TBC1D2B: variants seen among roughly 807,000 people sequenced by gnomAD.
The protein encoded by TBC1D2B is TBC1 domain family member 2B.
TBC1D2B carries 64 observed loss-of-function variants against 100.8 expected under a neutral mutation model. The observed-to-expected ratio is 0.64, with a 90% confidence interval of 0.52 to 0.78. The LOEUF (loss-of-function observed/expected upper bound fraction) is 0.78. Among genes scored for constraint, TBC1D2B ranks in the 30% least tolerant of loss-of-function variants. The pLI is 0.00. For missense variants in TBC1D2B, 1,052 were observed against 1,218.4 expected (o/e 0.86, Z 2.03); for synonymous variants, 480 against 479.7 (o/e 1.00, Z -0.01).
chr15:78,047,455 T>C (rs192230419), intron 2 of TBC1D2B, among the ~76,000 whole-genome samples: 129 of 152,230 alleles, frequency 8.5e-4, no homozygotes, highest in African/African-American at 2.9e-3. Context: ...CATTGAGTCG[T>C]TGGGATCCAG....
chr15:78,013,750 T>C (rs375703464), intron 8 of TBC1D2B, among the ~76,000 whole-genome samples: 3 of 152,322 alleles, frequency 2.0e-5, no homozygotes, highest in African/African-American at 7.2e-5. Flanking sequence ...AAAGAATGTA[T>C]TTATAAGCTA....
chr15:78,028,396 G>A lies in TBC1D2B; in HGVS notation c.847+1611C>T, dbSNP rs190647764. Reference sequence around the variant, plus strand: ...AGGCTGAGGCAGAATCGCTTAACCCGGAAGGCGGAGGTTGCAATGAGCCGA... The same window carrying A: ...AGGCTGAGGCAGAATCGCTTAACCCAGAAGGCGGAGGTTGCAATGAGCCGA... On this transcript the variant is annotated intron_variant, in intron 4 of 12. Transcript: ENST00000300584. Among the ~76,000 whole-genome samples, 31 of 152,322 alleles carry A rather than the reference G, an allele frequency of 2.0e-4. No homozygotes were observed. The East Asian group carries it at 5.2e-3, about 26-fold the overall frequency.
chr15:78,033,268 G>A (rs937445500), intron 3 of TBC1D2B, among the ~76,000 whole-genome samples: 2 of 152,064 alleles, frequency 1.3e-5, no homozygotes, highest in Non-Finnish European at 2.9e-5. Context: ...TTACTTATAC[G>A]CACACACATA....
At chr15:78,006,301 CA>C (rs2072065188) in intron 10 of TBC1D2B, among the ~76,000 whole-genome samples, 1 of 152,224 alleles carries the variant, frequency 6.6e-6, no homozygotes, top group Non-Finnish European at 1.5e-5. Flanking sequence ...CATGAACACA[CA>C]AAACTTTCTT....
At position 78,017,964 on chromosome 15, in the gene TBC1D2B, G is replaced by GA. The variant is rs35403054; in HGVS notation, c.1471-8dup. The GA allele has an allele frequency of 0.031, 34,394 of 1,126,666 alleles. 5 individuals carry two copies. Among genetic ancestry groups the GA allele is most frequent in the South Asian group, 0.065 (3,670 of 56,364 alleles). The allele number at this position is 1,126,666 out of a possible 1,614,324, so 69.8% of individuals were successfully genotyped here. A position where few individuals can be genotyped will look rare whatever the true frequency, so the allele number is the denominator to read the frequency against. On this transcript the variant is annotated splice_region_variant and splice_polypyrimidine_tract_variant and intron_variant, in intron 6 of 12. Transcript: ENST00000300584. ...TGTACCCCTGTAGATTATCCTGTTA[G>GA]AAAAAAAAAAAATCCCTGAATTCAC...
In TBC1D2B at chr15:78,040,618, A is replaced by AG. The variant is rs1555420786; in HGVS notation, c.683+4281_683+4282insC. On this transcript the variant is annotated intron_variant, in intron 3 of 12. Coordinates refer to ENST00000300584, the MANE Select transcript of TBC1D2B (RefSeq NM_144572.2). The stretch of plus-strand genomic sequence containing the variant: ...AAAGAGAGAAAGTGAGAGAGAAAGA[A>AG]AGAGAGAGAGAAAGAAAAAGAAAGA... 6.4e-4 allele frequency among the ~76,000 whole-genome samples: 85 copies of AG among 132,572 alleles called. 1 individual carries two copies. The highest frequency in any genetic ancestry group is 1.7e-3 in the East Asian group (8 of 4,700). 87.0% of individuals were successfully genotyped at this position (132,572 alleles called of 152,430 possible). A position where few individuals can be genotyped will look rare whatever the true frequency, so the allele number is the denominator to read the frequency against.
rs2073164438 is a variant in TBC1D2B, at chr15:78,044,903, A to G, written c.680T>C (p.Leu227Pro). ...ATGCTGCTTTCTAAAGACTCACTTG[A>G]GCTCATTGCCCCACTGTTTCAAAGA... ...FYSLKQWGNE[L>P]KNSMSSFRPG... The change falls in exon 3 of 13, where the codon CTC becomes CCC. Residue 227 changes from leucine (L) to proline (P), a missense_variant. By Grantham distance (98) the Leu-to-Pro change is moderately conservative (BLOSUM62 -3). This residue lies in a region of TBC1D2B where 627 missense variants were observed against 646.1 expected (regional missense o/e 0.97). Transcript: ENST00000300584. 2.5e-6 allele frequency: 4 copies of G among 1,608,574 alleles called. No individual in the cohort carries two copies. The Admixed American group carries it at 5.1e-5, about 20-fold the overall frequency.
At chr15:78,026,830 G>A (rs1173342990) in intron 4 of TBC1D2B, among the ~76,000 whole-genome samples, 3 of 151,824 alleles carry the variant, frequency 2.0e-5, no homozygotes, top group East Asian at 1.9e-4. Context: ...GAACCCGGGA[G>A]GCAAAGTTTG....
intron 2 of TBC1D2B, among the ~76,000 whole-genome samples, chr15:78,051,774 C>A (rs1229074884): frequency 2.0e-5 from 3 of 152,210 alleles, no homozygotes; most frequent in Non-Finnish European, 4.4e-5. Context: ...TCACAGAGCA[C>A]TGCCATATAA....
At chr15:78,074,889 T>C (rs866294613) in intron 1 of TBC1D2B, among the ~76,000 whole-genome samples, 2 of 152,224 alleles carry the variant, frequency 1.3e-5, no homozygotes. Context: ...ACTATATGAA[T>C]ACACTACATA....
chr15:78,046,502 C>CT (rs34934180), intron 2 of TBC1D2B, among the ~76,000 whole-genome samples: 2,353 of 147,506 alleles, frequency 0.016, 29 homozygotes, highest in Non-Finnish European at 0.023. Context: ...ATTATTTTCT[C>CT]TTTTTTTTTT....
chr15:78,070,889 C>T (rs950320302), intron 1 of TBC1D2B, among the ~76,000 whole-genome samples: 1 of 152,216 alleles, frequency 6.6e-6, no homozygotes, highest in South Asian at 2.1e-4. Context: ...ATGGCGCCAC[C>T]TCAGCTTGCT....
At chr15:78,018,409 A>C (rs538307276) in intron 6 of TBC1D2B, among the ~76,000 whole-genome samples, 1 of 152,322 alleles carries the variant, frequency 6.6e-6, no homozygotes, top group African/African-American at 2.4e-5. Flanking sequence ...GTCTACATAC[A>C]TATACAGCCC....
intron 10 of TBC1D2B, among the ~76,000 whole-genome samples, chr15:78,004,589 T>C (rs993925805): frequency 6.6e-6 from 1 of 152,214 alleles, no homozygotes; most frequent in Non-Finnish European, 1.5e-5. Flanking sequence ...TATGCACGTG[T>C]ACAAAACAGA....
At position 78,056,235 on chromosome 15, in the gene TBC1D2B, C is replaced by T. The variant is rs116971736; in HGVS notation, c.361-2048G>A. Among the ~76,000 whole-genome samples the T allele has an allele frequency of 3.8e-3, 579 of 152,144 alleles. 16 individuals are homozygous for T. The highest frequency in any genetic ancestry group is 0.031 in the Admixed American group (473 of 15,278). ...GGCAGTGGCCAGAGGAAAAGAGATT[C>T]CAGGGAGAGAGAGAAGTGTCTACAA... On this transcript the variant is annotated intron_variant, in intron 1 of 12. Coordinates refer to ENST00000300584, the MANE Select transcript of TBC1D2B (RefSeq NM_144572.2).
At chr15:78,050,178 G>A (rs769946272) in intron 2 of TBC1D2B, among the ~76,000 whole-genome samples, 66 of 151,630 alleles carry the variant, frequency 4.4e-4, no homozygotes, top group Non-Finnish European at 7.5e-4. Flanking sequence ...GCTGCCTGAG[G>A]ACTGAAAGTT....
chr15:78,058,971 A>G (rs566938853), intron 1 of TBC1D2B, among the ~76,000 whole-genome samples: 16 of 152,248 alleles, frequency 1.1e-4, no homozygotes, highest in African/African-American at 3.9e-4. Context: ...TCACCCTTCA[A>G]GGTCCAATGC....
At chr15:78,046,152 G>A (rs550339423) in intron 2 of TBC1D2B, among the ~76,000 whole-genome samples, 41 of 152,196 alleles carry the variant, frequency 2.7e-4, no homozygotes, top group African/African-American at 9.4e-4. Flanking sequence ...GGCTGGTCGC[G>A]AACTCCTGAC....
At chr15:78,039,751 TAC>T (rs3972618) in intron 3 of TBC1D2B, among the ~76,000 whole-genome samples, 75,834 of 147,784 alleles carry the variant, frequency 0.51, 19,461 homozygotes, top group East Asian at 0.59. Flanking sequence ...AGAGGCTTAC[TAC>T]ACACACACAC....
Sources: gnomAD v4.1 joint callset for allele counts (sites outside exome capture counted in the v4.1 genomes callset) on GRCh38, gnomAD v4.1.1 for gene constraint, gnomAD v4.1.1 regional missense constraint, MANE v1.5 for transcripts, NCBI Gene and HGNC (gene_info 2026-07-23, HGNC 2026-07-21) for gene names.